XKR6: variants seen among roughly 807,000 people sequenced by gnomAD.
XKR6 encodes the protein XK-related protein 6.
A neutral mutation model predicts 56.7 loss-of-function variants in XKR6; 22 were observed. The ratio of observed to expected loss-of-function variants is 0.39; its 90% CI spans 0.28 to 0.55. The LOEUF (loss-of-function observed/expected upper bound fraction) is 0.55. Among genes scored for constraint, XKR6 ranks in the 20% least tolerant of loss-of-function variants. The pLI is 0.66. For synonymous variants in XKR6, 524 were observed against 387.8 expected (o/e 1.35, Z -4.13); for missense variants, 852 against 889.0 (o/e 0.96, Z 0.53).
chr8:11,199,617 G>C, intron 1 of XKR6, among the ~76,000 whole-genome samples: 1 of 152,184 alleles, frequency 6.6e-6, no homozygotes, highest in East Asian at 1.9e-4. Flanking sequence ...ATTTAAGTAA[G>C]AGGGCACAGA....
At chr8:11,073,494 C>T (rs1043392010) in intron 1 of XKR6, among the ~76,000 whole-genome samples, 5 of 152,310 alleles carry the variant, frequency 3.3e-5, no homozygotes, top group South Asian at 4.1e-4. Context: ...TGCCCCAAAC[C>T]TGGACACTCT....
chr8:10,977,043 C>G (rs1802588836), intron 1 of XKR6, among the ~76,000 whole-genome samples: 1 of 152,112 alleles, frequency 6.6e-6, no homozygotes, highest in South Asian at 2.1e-4. Context: ...AAGGGCTAAG[C>G]AGATCCAAAA....
At chr8:10,941,381 G>C (rs1289022499) in intron 1 of XKR6, among the ~76,000 whole-genome samples, 3 of 152,204 alleles carry the variant, frequency 2.0e-5, no homozygotes, top group Non-Finnish European at 4.4e-5. Context: ...CCTGACCCCA[G>C]GATGGGCACC....
At chr8:11,144,244 G>GTGTGTGTA (rs1694838366) in intron 1 of XKR6, among the ~76,000 whole-genome samples, 1 of 149,538 alleles carries the variant, frequency 6.7e-6, no homozygotes, top group South Asian at 2.2e-4. Context: ...GTGTGTGTGT[G>GTGTGTGTA]TGTGTGTGTG....
Position 11,201,100 on chromosome 8 carries a change from C to T in XKR6, c.240G>A (p.Arg80=). The T allele has an allele frequency of 7.1e-7, 1 of 1,410,036 alleles. No homozygotes were observed. Among genetic ancestry groups the T allele is most frequent in the Non-Finnish European group, 9.2e-7 (1 of 1,083,368 alleles). The allele number at this position is 1,410,036 out of a possible 1,614,324, so 87.3% of individuals were successfully genotyped here. The change falls in exon 1 of 3, where the codon AGG becomes AGA. Residue 80 remains arginine (R), a synonymous_variant. Coordinates refer to ENST00000416569, the MANE Select transcript of XKR6 (RefSeq NM_173683.4). ...RSACLRSLLG[R]KPRRSAAADG... ...CGGCGGCGGCGCTGCGGCGCGGCTT[C>T]CTGCCCAGGAGGGAGCGCAGGCAGG...
chr8:11,084,247 G>C (rs1797813248), intron 1 of XKR6, among the ~76,000 whole-genome samples: 1 of 152,216 alleles, frequency 6.6e-6, no homozygotes, highest in Non-Finnish European at 1.5e-5. Context: ...ACCAAACCAA[G>C]AGAGTTGGAA....
chr8:11,082,109 G>T (rs1797742672), intron 1 of XKR6, among the ~76,000 whole-genome samples: 1 of 152,348 alleles, frequency 6.6e-6, no homozygotes, highest in Admixed American at 6.5e-5. Context: ...ACTGCCAGAA[G>T]ATGCTGCCGT....
intron 1 of XKR6, among the ~76,000 whole-genome samples, chr8:11,000,693 AT>A (rs1457219701): frequency 1.3e-5 from 2 of 152,206 alleles, no homozygotes; most frequent in Non-Finnish European, 2.9e-5. Flanking sequence ...TCAAAAATAA[AT>A]AAATAAAAAT....
chr8:11,146,025 G>A (rs550200175), intron 1 of XKR6, among the ~76,000 whole-genome samples: 137 of 151,834 alleles, frequency 9.0e-4, no homozygotes, highest in African/African-American at 2.9e-3. Flanking sequence ...AATCAAGCTC[G>A]GAAATACATA....
At chr8:11,144,772 G>C (rs1249145480) in intron 1 of XKR6, among the ~76,000 whole-genome samples, 3 of 151,118 alleles carry the variant, frequency 2.0e-5, no homozygotes, top group African/African-American at 7.3e-5. Flanking sequence ...GACTCCGTAA[G>C]ATAATTAAAG....
chr8:10,971,947 T>C (rs1381707440), intron 1 of XKR6, among the ~76,000 whole-genome samples: 1 of 152,010 alleles, frequency 6.6e-6, no homozygotes, highest in Non-Finnish European at 1.5e-5. Context: ...TTTCCAAAAA[T>C]GGATTTTTTA....
intron 1 of XKR6, among the ~76,000 whole-genome samples, chr8:11,082,767 C>T (rs575165311): frequency 7.2e-5 from 11 of 152,176 alleles, no homozygotes; most frequent in Non-Finnish European, 1.6e-4. Flanking sequence ...CTGGGCTGGG[C>T]CTTTGGGCCG....
At chr8:10,951,633 C>T (rs910184766) in intron 1 of XKR6, among the ~76,000 whole-genome samples, 1 of 152,238 alleles carries the variant, frequency 6.6e-6, no homozygotes, top group East Asian at 1.9e-4. Context: ...CATGACCTAA[C>T]GGCCCATCAT....
intron 1 of XKR6, among the ~76,000 whole-genome samples, chr8:11,120,532 A>C (rs957249497): frequency 2.0e-5 from 3 of 152,164 alleles, no homozygotes; most frequent in South Asian, 4.1e-4. Context: ...CAACGAAATA[A>C]AAGAGGATAC....
intron 1 of XKR6, among the ~76,000 whole-genome samples, chr8:11,095,233 T>TA (rs1430647244): frequency 6.6e-6 from 1 of 152,208 alleles, no homozygotes; most frequent in East Asian, 1.9e-4. Flanking sequence ...AAACTGCAAA[T>TA]ATTATCTGCA....
At chr8:11,186,622 T>C (rs1022666285) in intron 1 of XKR6, among the ~76,000 whole-genome samples, 2 of 152,308 alleles carry the variant, frequency 1.3e-5, no homozygotes, top group East Asian at 3.9e-4. Context: ...TCAAGTGATC[T>C]TCCCACCTTG....
At chr8:11,148,221 G>GACAA (rs1179477444) in intron 1 of XKR6, among the ~76,000 whole-genome samples, 5 of 151,778 alleles carry the variant, frequency 3.3e-5, no homozygotes, top group Non-Finnish European at 7.4e-5. Flanking sequence ...AAAACAAACA[G>GACAA]ACAAACAAAC....
At chr8:11,102,881 A>G (rs377226121) in intron 1 of XKR6, among the ~76,000 whole-genome samples, 16 of 152,308 alleles carry the variant, frequency 1.1e-4, no homozygotes, top group African/African-American at 3.6e-4. Flanking sequence ...CTGCCTTCTT[A>G]TTCTTGCTCT....
chr8:10,970,377 T>G (rs1404860615), intron 1 of XKR6, among the ~76,000 whole-genome samples: 3 of 152,198 alleles, frequency 2.0e-5, no homozygotes, highest in Non-Finnish European at 4.4e-5. Flanking sequence ...CTTTCTGATC[T>G]TAATTCTCTG....
Sources: gnomAD v4.1 joint callset for allele counts (sites outside exome capture counted in the v4.1 genomes callset) on GRCh38, gnomAD v4.1.1 for gene constraint, MANE v1.5 for transcripts, NCBI Gene and HGNC (gene_info 2026-07-23, HGNC 2026-07-21) for gene names.